The following NCAM2 variants were observed in gnomAD, a reference collection of about 807,000 sequenced individuals.
NCAM2 encodes the protein neural cell adhesion molecule 2.
NCAM2 carries 30 observed loss-of-function variants against 98.1 expected under a neutral mutation model. The observed-to-expected ratio is 0.31, with a 90% CI of 0.23 to 0.41. The LOEUF is 0.41. NCAM2 is among the 10% of genes least tolerant of loss of function. The probability of loss-of-function intolerance (pLI) is 1.00; values close to 1 mark genes in which losing one functional copy is unlikely to be tolerated. For synonymous variants in NCAM2, 368 were observed against 342.4 expected (o/e 1.07, Z -0.83); for missense variants, 867 against 1,005.8 (o/e 0.86, Z 1.87).
At chr21:21,182,523 C>T (rs1403008912) in intron 1 of NCAM2, among the ~76,000 whole-genome samples, 1 of 152,134 alleles carries the variant, frequency 6.6e-6, no homozygotes, top group Non-Finnish European at 1.5e-5. Flanking sequence ...TGATATTCAT[C>T]TCTATTATCC....
chr21:21,517,582 G>T lies in NCAM2; in HGVS notation c.2282+8527G>T, dbSNP rs370662187. 2.7e-4 allele frequency among the ~76,000 whole-genome samples: 41 copies of T among 152,250 alleles called. No individual in the cohort carries two copies. In the East Asian group the frequency reaches 6.8e-3, roughly 25 times the overall value. On this transcript the variant is annotated intron_variant, in intron 16 of 17. Transcript: ENST00000400546. The stretch of plus-strand genomic sequence containing the variant: ...TGACTTAAAACTTTAACACAGCCAG[G>T]GGCGGTGGCTCACCCCCGTAATCCC...
chr21:21,150,449 A>G (rs2067414270), intron 1 of NCAM2, among the ~76,000 whole-genome samples: 1 of 152,208 alleles, frequency 6.6e-6, no homozygotes, highest in African/African-American at 2.4e-5. Context: ...GCAAATTTTC[A>G]CTATCAAATA....
At chr21:21,009,757 G>C (rs2064173471) in intron 1 of NCAM2, among the ~76,000 whole-genome samples, 2 of 151,944 alleles carry the variant, frequency 1.3e-5, no homozygotes, top group African/African-American at 4.8e-5. Flanking sequence ...TGAACTGTAT[G>C]TATGGTAAGA....
chr21:21,163,836 G>C (rs1460293839), intron 1 of NCAM2, among the ~76,000 whole-genome samples: 1 of 152,160 alleles, frequency 6.6e-6, no homozygotes. Flanking sequence ...TTCACATTTA[G>C]TAAGGTGGGA....
intron 15 of NCAM2, among the ~76,000 whole-genome samples, chr21:21,492,173 A>G (rs1156859190): frequency 6.6e-6 from 1 of 151,850 alleles, no homozygotes; most frequent in Non-Finnish European, 1.5e-5. Context: ...AGAAAAACCA[A>G]ATAGTCATTG....
intron 8 of NCAM2, among the ~76,000 whole-genome samples, chr21:21,340,639 A>G (rs2075001310): frequency 6.6e-6 from 1 of 151,982 alleles, no homozygotes; most frequent in African/African-American, 2.4e-5. Flanking sequence ...TTTCTATTAT[A>G]TTTCTCCAAA....
chr21:21,063,927 A>G (rs1017492028), intron 1 of NCAM2, among the ~76,000 whole-genome samples: 3 of 152,216 alleles, frequency 2.0e-5, no homozygotes, highest in Admixed American at 6.5e-5. Flanking sequence ...ATTTGCACAC[A>G]TAATGATTTC....
At chr21:21,078,134 G>A (rs1254218238) in intron 1 of NCAM2, among the ~76,000 whole-genome samples, 2 of 151,896 alleles carry the variant, frequency 1.3e-5, no homozygotes, top group African/African-American at 2.4e-5. Flanking sequence ...ATTTGATTTT[G>A]TTTTATGCTA....
At chr21:21,201,436 C>T (rs2069215719) in intron 1 of NCAM2, among the ~76,000 whole-genome samples, 1 of 152,282 alleles carries the variant, frequency 6.6e-6, no homozygotes, top group South Asian at 2.1e-4. Context: ...CTGGGAATCC[C>T]AGCTTAGGCA....
intron 1 of NCAM2, among the ~76,000 whole-genome samples, chr21:21,177,665 A>G (rs984171977): frequency 2.0e-5 from 3 of 151,916 alleles, no homozygotes; most frequent in Non-Finnish European, 2.9e-5. Context: ...CCATGTTAAC[A>G]TGTGTTCCTT....
chr21:21,380,295 T>A (rs1341075167), intron 9 of NCAM2, among the ~76,000 whole-genome samples: 2 of 152,206 alleles, frequency 1.3e-5, no homozygotes, highest in Non-Finnish European at 2.9e-5. Flanking sequence ...TCTTCTACCA[T>A]GACTGTGAAC....
rs142928176 is a variant in NCAM2, at chr21:21,153,336, A to C, written c.56-127242A>C. The stretch of plus-strand genomic sequence containing the variant: ...AAGCTCCCTGGAATCTGCATGTCCA[A>C]ATGTCTTCTTTATATGCTGTCAGTA... On this transcript the variant is annotated intron_variant, in intron 1 of 17. Coordinates refer to ENST00000400546, the MANE Select transcript of NCAM2 (RefSeq NM_004540.5). Among the ~76,000 whole-genome samples, 3 of 151,624 alleles carry C rather than the reference A, an allele frequency of 2.0e-5. No homozygotes were observed. The South Asian group carries it at 6.3e-4, about 32-fold the overall frequency.
intron 1 of NCAM2, among the ~76,000 whole-genome samples, chr21:21,078,706 A>T (rs1227014286): frequency 6.6e-6 from 1 of 152,204 alleles, no homozygotes; most frequent in Non-Finnish European, 1.5e-5. Context: ...AAGGAATATA[A>T]ATCATTATAT....
intron 1 of NCAM2, among the ~76,000 whole-genome samples, chr21:21,265,029 G>GTATATATATACACATATATATTATATATA (rs1568855374): frequency 1.7e-3 from 3 of 1,804 alleles, no homozygotes; most frequent in Non-Finnish European, 3.9e-3. Context: ...ATATGTGTCT[G>GTATATATATACACATATATATTATATATA]TGTATATATG....
chr21:21,157,704 T>C (rs375361496), intron 1 of NCAM2, among the ~76,000 whole-genome samples: 62 of 152,240 alleles, frequency 4.1e-4, no homozygotes, highest in African/African-American at 1.4e-3. Flanking sequence ...CAGCTGCCTA[T>C]ATTTGCAGCT....
At chr21:21,528,425 G>A (rs1364735032) in intron 16 of NCAM2, among the ~76,000 whole-genome samples, 1 of 152,112 alleles carries the variant, frequency 6.6e-6, no homozygotes, top group African/African-American at 2.4e-5. Context: ...TGCTAATGGG[G>A]GAGGCTATGC....
intron 13 of NCAM2, among the ~76,000 whole-genome samples, chr21:21,467,979 C>G (rs896097902): frequency 1.3e-5 from 2 of 152,018 alleles, no homozygotes; most frequent in African/African-American, 4.8e-5. Flanking sequence ...GTCTGTTTTT[C>G]TTGGCCCTTC....
intron 1 of NCAM2, among the ~76,000 whole-genome samples, chr21:21,029,613 AT>A (rs549442394): frequency 2.6e-5 from 4 of 152,002 alleles, no homozygotes; most frequent in Admixed American, 6.6e-5. Flanking sequence ...CATTATATTT[AT>A]TTTTTTATTA....
At chr21:21,154,679 A>T (rs2067555853) in intron 1 of NCAM2, among the ~76,000 whole-genome samples, 1 of 151,864 alleles carries the variant, frequency 6.6e-6, no homozygotes, top group Non-Finnish European at 1.5e-5. Context: ...CTGTGACATT[A>T]AAAATAGAGT....
Sources: allele counts gnomAD v4.1 joint callset (sites outside exome capture counted in the v4.1 genomes callset), GRCh38; gene constraint gnomAD v4.1.1; transcripts MANE v1.5; gene names NCBI Gene and HGNC (gene_info 2026-07-23, HGNC 2026-07-21).